YBX1: variants seen among roughly 807,000 people sequenced by gnomAD.
The protein encoded by YBX1 is Y-box-binding protein 1.
A neutral mutation model predicts 41.4 loss-of-function variants in YBX1; 3 were observed. The observed-to-expected ratio is 0.07, with a 90% CI of 0.03 to 0.19. The LOEUF (loss-of-function observed/expected upper bound fraction) is 0.19, where lower values mean the gene tolerates loss of function less well. Ranked by LOEUF, YBX1 falls within the 10% of genes least tolerant of loss-of-function variation. YBX1 has a pLI of 1.00. For synonymous variants in YBX1, 133 were observed against 165.8 expected (o/e 0.80, Z 1.52); for missense variants, 274 against 462.8 (o/e 0.59, Z 3.74).
intron 2 of YBX1, 43 bp downstream of exon 2, chr1:42,683,509 T>C (rs1650113753): frequency 6.2e-7 from 1 of 1,610,522 alleles, no homozygotes; most frequent in East Asian, 2.2e-5. Flanking sequence ...CCTTCTTGCT[T>C]GCTTCCTGCT....
rs1157592496 is a variant in YBX1 at position 42,693,486 on chromosome 1, G to A, written c.231-4G>A. ...AACTTGTTCAACTTGGTTCTGTCTTGCAGGAATGACACCAAGGAAGATGTA... is the reference window on the plus strand; with the variant it reads ...AACTTGTTCAACTTGGTTCTGTCTTACAGGAATGACACCAAGGAAGATGTA... On this transcript the variant is annotated splice_polypyrimidine_tract_variant and splice_region_variant and intron_variant, in intron 2 of 7. Transcript: ENST00000321358. The A allele has an allele frequency of 1.9e-6, 3 of 1,613,538 alleles. No homozygotes were observed. In the South Asian group the frequency reaches 3.3e-5, roughly 18 times the overall value.
chr1:42,690,684 A>G (rs1650308897), intron 2 of YBX1, among the ~76,000 whole-genome samples: 1 of 152,210 alleles, frequency 6.6e-6, no homozygotes, highest in Admixed American at 6.5e-5. Context: ...GGAACTTGAC[A>G]GCTTGTTCAT....
intron 2 of YBX1, among the ~76,000 whole-genome samples, chr1:42,686,142 G>A (rs1319829903): frequency 1.3e-5 from 2 of 152,116 alleles, no homozygotes; most frequent in African/African-American, 4.8e-5. Context: ...ACCATGAATT[G>A]GCAACAGTTT....
At chr1:42,683,356 A>G (rs1650107658) in intron 1 of YBX1, 47 bp from the exon 2 acceptor site, 2 of 1,612,748 alleles carry the variant, frequency 1.2e-6, no homozygotes, top group Non-Finnish European at 1.7e-6. Flanking sequence ...GATTTGGAAA[A>G]GGATAGCTGG....
At chr1:42,692,029 T>C (rs1295799428) in intron 2 of YBX1, among the ~76,000 whole-genome samples, 1 of 152,102 alleles carries the variant, frequency 6.6e-6, no homozygotes, top group East Asian at 1.9e-4. Context: ...TTTTTGTAAT[T>C]TTAGTAGAGA....
At position 42,700,855 on chromosome 1, in the gene YBX1, A is replaced by G. The variant is rs1246744879; in HGVS notation, c.815A>G (p.Gln272Arg). The G allele has an allele frequency of 6.2e-7, 1 of 1,613,536 alleles. No homozygotes were observed. Among genetic ancestry groups the G allele is most frequent in the Non-Finnish European group, 8.5e-7 (1 of 1,179,882 alleles). Reference protein sequence around the residue: ...EDKENQGDETQGQQPPQRRYR... With the variant: ...EDKENQGDETRGQQPPQRRYR... ...AAAGAAAATCAAGGAGATGAGACCC[A>G]AGGTCAGCAGCCACCTCAACGTCGG... Residue 272 changes from glutamine (Q) to arginine (R), a missense_variant, in exon 7 of 8, where the codon CAA becomes CGA. Gln to Arg is a conservative substitution (Grantham distance 43, BLOSUM62 1). Around this residue, in one of 3 missense-constraint regions of YBX1, gnomAD observed 187 missense variants for 306.3 expected, o/e 0.61. Coordinates refer to ENST00000321358, the MANE Select transcript of YBX1 (RefSeq NM_004559.5).
At position 42,682,613 on chromosome 1, in the gene YBX1, C is replaced by T. The variant is rs1258189820; in HGVS notation, c.48C>T (p.Ala16=). 2.1e-6 allele frequency: 3 copies of T among 1,434,962 alleles called. No homozygotes were observed. The highest frequency in any genetic ancestry group is 1.5e-5 in the African/African-American group (1 of 67,146). The allele number at this position is 1,434,962 out of a possible 1,614,324, so 88.9% of individuals were successfully genotyped here. ...ETQQPPAAPP[A]APALSAADTK... Reference sequence around the variant, plus strand: ...AGCAGCCGCCCGCCGCCCCCCCCGCCGCCCCCGCCCTCAGCGCCGCCGACA... The same window carrying T: ...AGCAGCCGCCCGCCGCCCCCCCCGCTGCCCCCGCCCTCAGCGCCGCCGACA... Residue 16 remains alanine, a synonymous_variant, in exon 1 of 8, where the codon GCC becomes GCT. Transcript: ENST00000321358.
chr1:42,696,344 C>G lies in YBX1; in HGVS notation c.354+56C>G, dbSNP rs1650457317. On this transcript the variant is annotated intron_variant, in intron 4 of 7. Coordinates refer to ENST00000321358, the MANE Select transcript of YBX1 (RefSeq NM_004559.5). The surrounding 1 kb of genome is among the most constrained non-coding windows in gnomAD (Gnocchi z 5.7). ...TTCAGTATGGAAATATTTTGGAGGT[C>G]TCATCCATTAGGATGGTGGCTCTAA... 6 of 1,566,326 alleles carry G rather than the reference C, an allele frequency of 3.8e-6. No homozygotes were observed. The South Asian group carries it at 4.6e-5, about 12-fold the overall frequency.
chr1:42,699,775 C>T (rs1650549441), intron 6 of YBX1, among the ~76,000 whole-genome samples: 1 of 151,728 alleles, frequency 6.6e-6, no homozygotes, highest in Non-Finnish European at 1.5e-5. Context: ...GTGATAGAAT[C>T]GCTGTATTAC....
intron 2 of YBX1, among the ~76,000 whole-genome samples, chr1:42,690,135 C>T (rs985327954): frequency 6.6e-6 from 1 of 152,008 alleles, no homozygotes; most frequent in African/African-American, 2.4e-5. Context: ...AGAACTTGAA[C>T]CCCGAAGGCA....
chr1:42,692,684 C>T (rs533270034), intron 2 of YBX1, among the ~76,000 whole-genome samples: 3 of 152,320 alleles, frequency 2.0e-5, no homozygotes, highest in African/African-American at 4.8e-5. Context: ...TCTGACCTGA[C>T]GGAGTAAAGA....
At chr1:42,692,480 A>G (rs1650364182) in intron 2 of YBX1, among the ~76,000 whole-genome samples, 1 of 152,132 alleles carries the variant, frequency 6.6e-6, no homozygotes, top group Non-Finnish European at 1.5e-5. Flanking sequence ...CCATCAATTA[A>G]AAATGTTCTT....
chr1:42,696,491 A>G lies in YBX1; in HGVS notation c.355-151A>G. On this transcript the variant is annotated intron_variant, in intron 4 of 7. Transcript: ENST00000321358. The surrounding 1 kb of genome is among the most constrained non-coding windows in gnomAD (Gnocchi z 5.7). ...AACTGATATTTAGTCATTTCTGTGCACCCCTGGTCACGCAGTTGCGCCCCC... is the reference window on the plus strand; with the variant it reads ...AACTGATATTTAGTCATTTCTGTGCGCCCCTGGTCACGCAGTTGCGCCCCC... 1.1e-6 allele frequency: 1 copy of G among 896,846 alleles called. No homozygotes were observed. Among genetic ancestry groups the G allele is most frequent in the Non-Finnish European group, 1.6e-6 (1 of 618,648 alleles). The allele number at this position is 896,846 out of a possible 1,614,324, so 55.6% of individuals were successfully genotyped here. A position where few individuals can be genotyped will look rare whatever the true frequency, so the allele number is the denominator to read the frequency against.
At chr1:42,691,166 T>C (rs1262067174) in intron 2 of YBX1, among the ~76,000 whole-genome samples, 1 of 152,270 alleles carries the variant, frequency 6.6e-6, no homozygotes, top group African/African-American at 2.4e-5. Context: ...AATGTTTTTA[T>C]TGCAATTGAG....
Position 42,691,213 on chromosome 1 carries a change from G to C in YBX1, c.231-2277G>C, listed in dbSNP as rs571048671. 5.3e-5 allele frequency among the ~76,000 whole-genome samples: 8 copies of C among 152,284 alleles called. No homozygotes were observed. In the South Asian group the frequency reaches 8.3e-4, roughly 16 times the overall value. The stretch of plus-strand genomic sequence containing the variant: ...TAAATACCTTGAGCTTGAGGCCCTG[G>C]CTAAGTATTCCTTTTGCAATACTGT... On this transcript the variant is annotated intron_variant, in intron 2 of 7. Transcript: ENST00000321358.
intron 2 of YBX1, among the ~76,000 whole-genome samples, chr1:42,689,879 A>G (rs1650287170): frequency 6.6e-6 from 1 of 152,190 alleles, no homozygotes; most frequent in East Asian, 1.9e-4. Flanking sequence ...ATTAGATTTT[A>G]ATTTAGAAAT....
chr1:42,698,380 T>C (rs1179083835), intron 6 of YBX1, among the ~76,000 whole-genome samples: 3 of 152,242 alleles, frequency 2.0e-5, no homozygotes, highest in East Asian at 3.8e-4. Flanking sequence ...CAATTGAAGA[T>C]CTCTGATTCA....
intron 6 of YBX1, among the ~76,000 whole-genome samples, chr1:42,697,603 C>A (rs1158754292): frequency 6.6e-6 from 1 of 152,136 alleles, no homozygotes; most frequent in Non-Finnish European, 1.5e-5. Context: ...AGTGAAGAAT[C>A]AACAGTGTTA....
intron 2 of YBX1, among the ~76,000 whole-genome samples, chr1:42,692,276 G>A (rs1277966107): frequency 6.6e-6 from 1 of 152,144 alleles, no homozygotes; most frequent in African/African-American, 2.4e-5. Flanking sequence ...CAGTCATATT[G>A]GAGAGCAGAA....
Sources: gnomAD v4.1 joint callset for allele counts (sites outside exome capture counted in the v4.1 genomes callset) on GRCh38, gnomAD v4.1.1 for gene constraint, gnomAD v4.1.1 regional missense constraint, Gnocchi (gnomAD v3.1) non-coding constraint, MANE v1.5 for transcripts, NCBI Gene and HGNC (gene_info 2026-07-23, HGNC 2026-07-21) for gene names.